CAMTA1: variants seen among roughly 807,000 people sequenced by gnomAD.
The protein encoded by CAMTA1 is calmodulin binding transcription activator 1, also known as calmodulin-binding transcription activator 1.
Under a neutral mutation model 170.9 loss-of-function variants are expected in CAMTA1, and 27 were observed. The ratio of observed to expected loss-of-function variants is 0.16; its 90% CI spans 0.12 to 0.22. CAMTA1 has a LOEUF of 0.22. CAMTA1 is among the 10% of genes least tolerant of loss of function. The pLI is 1.00. For synonymous variants in CAMTA1, 833 were observed against 891.5 expected (o/e 0.93, Z 1.17); for missense variants, 1,619 against 2,217.2 (o/e 0.73, Z 5.42).
chr1:7,271,594 A>T (rs1216308543), intron 5 of CAMTA1, among the ~76,000 whole-genome samples: 2 of 149,910 alleles, frequency 1.3e-5, no homozygotes, highest in Non-Finnish European at 2.9e-5. Context: ...ATAGATAGAT[A>T]GATAGATAGA....
intron 5 of CAMTA1, among the ~76,000 whole-genome samples, chr1:7,379,676 C>A (rs1225094742): frequency 2.0e-5 from 3 of 152,176 alleles, no homozygotes; most frequent in African/African-American, 7.2e-5. Flanking sequence ...AGCAGAATTC[C>A]CTAGAAGGCA....
intron 5 of CAMTA1, among the ~76,000 whole-genome samples, chr1:7,444,495 T>C (rs2092630576): frequency 6.6e-6 from 1 of 152,274 alleles, no homozygotes; most frequent in Non-Finnish European, 1.5e-5. Flanking sequence ...GTTTGCTGCT[T>C]CCCTCCTCCC....
intron 6 of CAMTA1, among the ~76,000 whole-genome samples, chr1:7,573,559 G>A (rs1335806722): frequency 6.6e-6 from 1 of 152,208 alleles, no homozygotes; most frequent in East Asian, 1.9e-4. Flanking sequence ...CGCCAGCAGG[G>A]CCAGTTCCTT....
chr1:7,301,975 G>A (rs1380976698), intron 5 of CAMTA1, among the ~76,000 whole-genome samples: 1 of 152,122 alleles, frequency 6.6e-6, no homozygotes, highest in Non-Finnish European at 1.5e-5. Context: ...GTGGCTTCGG[G>A]GGTAAACTTC....
At chr1:7,462,502 T>C (rs2093113573) in intron 5 of CAMTA1, among the ~76,000 whole-genome samples, 1 of 152,142 alleles carries the variant, frequency 6.6e-6, no homozygotes, top group South Asian at 2.1e-4. Flanking sequence ...TGACCTCAGG[T>C]GATTGGCCTC....
intron 5 of CAMTA1, among the ~76,000 whole-genome samples, chr1:7,302,361 C>T (rs1157627504): frequency 2.0e-5 from 3 of 152,042 alleles, no homozygotes; most frequent in Non-Finnish European, 2.9e-5. Flanking sequence ...AGTCTAGGAA[C>T]GGTTTTGTCA....
intron 22 of CAMTA1, among the ~76,000 whole-genome samples, chr1:7,762,126 T>C (rs1006160190): frequency 6.6e-6 from 1 of 152,236 alleles, no homozygotes; most frequent in Admixed American, 6.5e-5. Flanking sequence ...CACTCCAGTC[T>C]GGTCAACCCT....
rs544710416 is a variant in CAMTA1 at position 7,587,729 on chromosome 1, C to T, written c.511-52671C>T. ...CAGACACCTGGGCTCCCCCGAGCGC[C>T]CAGCTTCTGCAGGAACCTCTCCTCC... is the stretch of plus-strand genomic sequence containing the variant. On this transcript the variant is annotated intron_variant, in intron 6 of 22. Transcript: ENST00000303635. Among the ~76,000 whole-genome samples the T allele has an allele frequency of 7.6e-4, 116 of 152,142 alleles. 3 individuals are homozygous for T. The highest frequency in any genetic ancestry group is 2.8e-3 in the African/African-American group (114 of 41,424).
chr1:7,506,403 A>C (rs2094110033), intron 6 of CAMTA1, among the ~76,000 whole-genome samples: 1 of 152,140 alleles, frequency 6.6e-6, no homozygotes, highest in South Asian at 2.1e-4. Context: ...ACACCTGTGC[A>C]CTCAGTCACA....
chr1:7,011,683 T>C (rs190295090), intron 3 of CAMTA1, among the ~76,000 whole-genome samples: 1 of 152,292 alleles, frequency 6.6e-6, no homozygotes, highest in African/African-American at 2.4e-5. Context: ...TTCTAGCTAT[T>C]TTATTATTTG....
At chr1:7,184,985 T>G (rs987589959) in intron 4 of CAMTA1, among the ~76,000 whole-genome samples, 12 of 152,188 alleles carry the variant, frequency 7.9e-5, no homozygotes, top group Admixed American at 5.2e-4. Context: ...TCAAGTGATG[T>G]GGATTAGCAG....
At chr1:7,191,199 G>A (rs1300012950) in intron 4 of CAMTA1, among the ~76,000 whole-genome samples, 2 of 152,194 alleles carry the variant, frequency 1.3e-5, no homozygotes, top group Non-Finnish European at 2.9e-5. Context: ...ATGGTGCTGT[G>A]TTTCTTTTTA....
At chr1:7,618,511 C>G (rs1169193969) in intron 6 of CAMTA1, among the ~76,000 whole-genome samples, 1 of 152,250 alleles carries the variant, frequency 6.6e-6, no homozygotes, top group African/African-American at 2.4e-5. Context: ...TGACTCTGTA[C>G]TGTTTATCGT....
intron 3 of CAMTA1, among the ~76,000 whole-genome samples, chr1:6,977,669 C>T (rs1337657227): frequency 6.6e-6 from 1 of 152,122 alleles, no homozygotes. Flanking sequence ...CATATCATGT[C>T]ATTTACTCTT....
chr1:6,985,248 C>T (rs947420535), intron 3 of CAMTA1, among the ~76,000 whole-genome samples: 1 of 152,200 alleles, frequency 6.6e-6, no homozygotes, highest in East Asian at 1.9e-4. Flanking sequence ...TCAGTAAAGG[C>T]GTCCTGGGTT....
chr1:7,752,996 G>C (rs1251451127), intron 21 of CAMTA1, among the ~76,000 whole-genome samples: 1 of 152,210 alleles, frequency 6.6e-6, no homozygotes, highest in Non-Finnish European at 1.5e-5. Flanking sequence ...CCAGATAGCT[G>C]GTGCCCTCTG....
At position 7,063,796 on chromosome 1, in the gene CAMTA1, CAGT is replaced by C. The variant is rs1215230305; in HGVS notation, c.235-27507_235-27505del. ...CATCCTGCCAGGGATGCTGGGAACA[CAGT>C]GGTGAATAAGTTGGGGACATTTTCT... On this transcript the variant is annotated intron_variant, in intron 3 of 22. Transcript: ENST00000303635. This position sits in a 1 kb window ranked among gnomAD's most constrained non-coding sequence, Gnocchi z 4.3. Among the ~76,000 whole-genome samples the C allele has an allele frequency of 6.6e-6, 1 of 152,216 alleles. No homozygotes were observed. The highest frequency in any genetic ancestry group is 1.5e-5 in the Non-Finnish European group (1 of 68,042).
chr1:7,548,709 C>T (rs1314616325), intron 6 of CAMTA1, among the ~76,000 whole-genome samples: 1 of 68,108 alleles, frequency 1.5e-5, no homozygotes. Context: ...GTGGAGGTGC[C>T]CATGGAGGGT....
intron 11 of CAMTA1, among the ~76,000 whole-genome samples, chr1:7,686,148 G>A (rs2096255785): frequency 6.6e-6 from 1 of 152,162 alleles, no homozygotes; most frequent in Non-Finnish European, 1.5e-5. Context: ...TGGGTGCCAG[G>A]CACTGTTCTG....
Sources: allele counts gnomAD v4.1 joint callset (sites outside exome capture counted in the v4.1 genomes callset), GRCh38; gene constraint gnomAD v4.1.1; non-coding constraint Gnocchi (gnomAD v3.1); transcripts MANE v1.5; gene names NCBI Gene and HGNC (gene_info 2026-07-23, HGNC 2026-07-21).